The following PLA2G4B variants were observed in gnomAD, a reference collection of about 807,000 sequenced individuals.
PLA2G4B encodes the protein phospholipase A2 group IVB.
In PLA2G4B, 122 loss-of-function variants were observed where a neutral mutation model predicts 95.8. The ratio of observed to expected loss-of-function variants is 1.27; its 90% confidence interval spans 1.10 to 1.48. The LOEUF (loss-of-function observed/expected upper bound fraction) is 1.48. Among genes scored for constraint, PLA2G4B ranks in the 40% most tolerant of loss-of-function variants. The pLI is 0.00. For synonymous variants in PLA2G4B, 518 were observed against 421.5 expected, an observed-to-expected ratio of 1.23 and a Z score of -2.80; for missense variants, 1,158 against 996.2, an observed-to-expected ratio of 1.16 and a Z score of -2.19.
At chr15:41,842,888 T>G (rs2065460747) in intron 10 of PLA2G4B, 1 of 407,154 alleles carries the variant, frequency 2.5e-6, no homozygotes, top group African/African-American at 2.1e-5. Flanking sequence ...TAACATGGTT[T>G]GGGGCGCAGA....
Position 41,844,763 on chromosome 15 carries a change from A to G in PLA2G4B, c.1017-85A>G, listed in dbSNP as rs375567103. 19 of 1,537,594 alleles carry G rather than the reference A, an allele frequency of 1.2e-5. No homozygotes were observed. The African/African-American group carries it at 1.5e-4, about 12-fold the overall frequency. On this transcript the variant is annotated intron_variant, in intron 12 of 19. Transcript: ENST00000458483. ...ACCCTGGGAAGGTCCCTGCCAGGCC[A>G]TTGTCCTAGAAAGCCCGGGGCACGT... is the stretch of plus-strand genomic sequence containing the variant.
chr15:41,842,934 T>G, intron 10 of PLA2G4B: 19 of 282,124 alleles, frequency 6.7e-5, no homozygotes, highest in Middle Eastern at 1.1e-3. Flanking sequence ...AGAGGGGAAA[T>G]TGCGCCCTTT....
chr15:41,847,369 G>C lies in PLA2G4B; in HGVS notation c.1980G>C (p.Glu660Asp). ...AGCTCCTGGGCCGGTTCTGCCAGGAGCAGGGGATCCCGTTCCCACCCATCT... is the reference window on the plus strand; with the variant it reads ...AGCTCCTGGGCCGGTTCTGCCAGGACCAGGGGATCCCGTTCCCACCCATCT... ...QLQLLGRFCQEQGIPFPPISP... is the reference protein window; with the variant it reads ...QLQLLGRFCQDQGIPFPPISP... Residue 660 changes from glutamate (E) to aspartate (D), a missense_variant, in exon 19 of 20, where the codon GAG becomes GAC. Glu to Asp is a conservative substitution (Grantham distance 45). Coordinates refer to ENST00000458483, the MANE Select transcript of PLA2G4B (RefSeq NM_001114633.2). The C allele has an allele frequency of 6.2e-7, 1 of 1,609,794 alleles. No individual in the cohort carries two copies. The highest frequency in any genetic ancestry group is 8.5e-7 in the Non-Finnish European group (1 of 1,178,298).
In PLA2G4B at chr15:41,846,338, T is replaced by G. The variant is rs1046974855; in HGVS notation, c.1736T>G (p.Phe579Cys). ...ATHNFLRGLH[F>C]HKDYFQHPHF... ...CATAATTTCCTGCGTGGCCTCCATT[T>G]CCACAAAGACTACTTTCAGCATCCT... The change falls in exon 17 of 20, where the codon TTC becomes TGC. Residue 579 changes from phenylalanine (F) to cysteine (C), a missense_variant. Coordinates refer to ENST00000458483, the MANE Select transcript of PLA2G4B (RefSeq NM_001114633.2). 3 of 1,610,680 alleles carry G rather than the reference T, an allele frequency of 1.9e-6. No individual in the cohort carries two copies. Among genetic ancestry groups the G allele is most frequent in the African/African-American group, 2.7e-5 (2 of 74,908 alleles).
At chr15:41,842,652 A>AGG in intron 10 of PLA2G4B, 61 bp downstream of exon 10, 2 of 1,592,348 alleles carry the variant, frequency 1.3e-6, no homozygotes, top group South Asian at 2.3e-5. Flanking sequence ...GCGGGGCTGG[A>AGG]GGAGGCCTGG....
rs201749816 is a variant in PLA2G4B at position 41,842,574 on chromosome 15, G to A, written c.726G>A (p.Glu242=). The A allele has an allele frequency of 5.6e-6, 9 of 1,607,372 alleles. No homozygotes were observed. The African/African-American group carries it at 1.2e-4, about 22-fold the overall frequency. ...PTSQEPLMRV[E]LKKEAGLREL... is the part of the protein sequence containing the mutation. ...TTCAGGAGCCCCTGATGAGAGTGGA[G>A]CTGAAAAAAGAAGCAGGGTGAGAGG... The change falls in exon 10 of 20, where the codon GAG becomes GAA. Residue 242 remains glutamate, a synonymous_variant. Transcript: ENST00000458483.
rs922760762 is a variant in PLA2G4B at position 41,841,953 on chromosome 15, G to C, written c.621+4G>C. ...GGAGCTGAGTATTCGCCTGCAGGTA[G>C]TGTGCCTCGCTCCCTCGAGGTGGGG... On this transcript the variant is annotated splice_donor_region_variant and intron_variant, in intron 8 of 19. Coordinates refer to ENST00000458483, the MANE Select transcript of PLA2G4B (RefSeq NM_001114633.2). The C allele has an allele frequency of 1.2e-6, 2 of 1,609,866 alleles. No individual in the cohort carries two copies. Among genetic ancestry groups the C allele is most frequent in the Admixed American group, 1.7e-5 (1 of 59,904 alleles).
chr15:41,844,632 G>A (rs2065498829), intron 12 of PLA2G4B, 25 bp downstream of exon 12: 3 of 1,613,674 alleles, frequency 1.9e-6, no homozygotes, highest in Non-Finnish European at 2.5e-6. Flanking sequence ...GGCTGATGCT[G>A]GACCCTGTGT....
chr15:41,846,035 C>T lies in PLA2G4B; in HGVS notation c.1588C>T (p.Gln530Ter), dbSNP rs552187938. ...GTTCTGGGACCGCTGGGTCAGGAACCAGGCCAACCTGGGTAAGTGCTCCGG... is the reference window on the plus strand; with the variant it reads ...GTTCTGGGACCGCTGGGTCAGGAACTAGGCCAACCTGGGTAAGTGCTCCGG... ...SQFWDRWVRN[Q>*]ANLDKEQVPL... is the part of the protein sequence containing the mutation. Residue 530 changes from glutamine (Q) to a stop codon, truncating the protein, a stop_gained, in exon 16 of 20, where the codon CAG becomes TAG. Coordinates refer to ENST00000458483, the MANE Select transcript of PLA2G4B (RefSeq NM_001114633.2). LOFTEE classifies it high-confidence loss of function. 2 of 1,554,944 alleles carry T rather than the reference C, an allele frequency of 1.3e-6. No homozygotes were observed. The highest frequency in any genetic ancestry group is 1.4e-5 in the African/African-American group (1 of 73,088).
At chr15:41,841,172 G>A in intron 5 of PLA2G4B, 59 bp from the exon 6 acceptor site, 1 of 1,614,090 alleles carries the variant, frequency 6.2e-7, no homozygotes, top group South Asian at 1.1e-5. Flanking sequence ...GGGATGCCCA[G>A]GTCTCTGTGG....
intron 2 of PLA2G4B, 58 bp from the exon 3 acceptor site, chr15:41,840,466 G>A (rs1001213298): frequency 2.6e-5 from 42 of 1,610,840 alleles, no homozygotes; most frequent in African/African-American, 6.7e-5. Context: ...GAAGGAAGTG[G>A]GTCTGGGCGG....
chr15:41,847,307 C>T (rs1182215074), intron 18 of PLA2G4B, 30 bp from the exon 19 acceptor site: 1 of 1,568,300 alleles, frequency 6.4e-7, no homozygotes. Context: ...GGGCCCTGTC[C>T]CTCTGAAGCC....
rs1404204254 is a variant in PLA2G4B at position 41,844,408 on chromosome 15, T to C, written c.880-63T>C. On this transcript the variant is annotated intron_variant, in intron 11 of 19. Transcript: ENST00000458483. ...TGGCCACTTGACCTGCTACCTCTTC[T>C]TCCTGTGACTTGGCCTTCCCCATCC... 4 of 1,610,640 alleles carry C rather than the reference T, an allele frequency of 2.5e-6. No individual in the cohort carries two copies. In the Admixed American group the frequency reaches 6.7e-5, roughly 27 times the overall value.
In PLA2G4B at chr15:41,840,880, G is replaced by A. The variant is rs756250058; in HGVS notation, c.326G>A (p.Arg109His). Residue 109 changes from arginine (R) to histidine (H), a missense_variant, in exon 4 of 20, where the codon CGC becomes CAC. Arg to His is a conservative substitution (Grantham distance 29). Transcript: ENST00000458483. ...AGTLRAGEFR[R>H]ESFSLSPQGE... ...ACTCTGCGGGCTGGGGAGTTCCGGCGCGAGAGCTTCTCACTGAGCCCTCAG... is the reference window on the plus strand; with the variant it reads ...ACTCTGCGGGCTGGGGAGTTCCGGCACGAGAGCTTCTCACTGAGCCCTCAG... 26 of 1,613,580 alleles carry A rather than the reference G, an allele frequency of 1.6e-5. No individual in the cohort carries two copies. Among genetic ancestry groups the A allele is most frequent in the East Asian group, 1.3e-4 (6 of 44,868 alleles).
rs754492646 is a variant in PLA2G4B, at chr15:41,840,513, C to T, written c.83-11C>T. The T allele has an allele frequency of 6.8e-6, 11 of 1,613,442 alleles. No individual in the cohort carries two copies. In the East Asian group the frequency reaches 2.0e-4, roughly 29 times the overall value. Reference sequence around the variant, plus strand: ...TCTTGTCCACCGCTGGGCACTTGTTCCTTCCCGCAGTGACCCCCTCTGACT... The same window carrying T: ...TCTTGTCCACCGCTGGGCACTTGTTTCTTCCCGCAGTGACCCCCTCTGACT... On this transcript the variant is annotated splice_polypyrimidine_tract_variant and intron_variant, in intron 2 of 19. Transcript: ENST00000458483.
At position 41,840,924 on chromosome 15, in the gene PLA2G4B, G is replaced by A. The variant is rs199715476; in HGVS notation, c.351+19G>A. On this transcript the variant is annotated intron_variant, in intron 4 of 19. Coordinates refer to ENST00000458483, the MANE Select transcript of PLA2G4B (RefSeq NM_001114633.2). ...CCCTCAGGCAAGGCGGTGTTTCCACGGCAGCCCTAGCTGGTGTCTGGGTTG... is the reference window on the plus strand; with the variant it reads ...CCCTCAGGCAAGGCGGTGTTTCCACAGCAGCCCTAGCTGGTGTCTGGGTTG... 6.8e-6 allele frequency: 11 copies of A among 1,609,178 alleles called. No individual in the cohort carries two copies. Among genetic ancestry groups the A allele is most frequent in the Middle Eastern group, 1.7e-4 (1 of 6,028 alleles).
At chr15:41,844,056 C>T (rs2065486731) in intron 11 of PLA2G4B, among the ~76,000 whole-genome samples, 2 of 152,218 alleles carry the variant, frequency 1.3e-5, no homozygotes, top group Admixed American at 1.3e-4. Flanking sequence ...GGTTCTCAGC[C>T]TAGCCTGTCT....
At chr15:41,846,406 T>TCCTGTGGCCA in intron 17 of PLA2G4B, 24 bp downstream of exon 17, 15 of 1,589,628 alleles carry the variant, frequency 9.4e-6, no homozygotes, top group Non-Finnish European at 1.2e-5. Context: ...TCCAAAGTCC[T>TCCTGTGGCCA]CCTGTGGCCA....
At chr15:41,840,375 G>A in intron 2 of PLA2G4B, 145 bp downstream of exon 2, 3 of 1,573,668 alleles carry the variant, frequency 1.9e-6, no homozygotes, top group East Asian at 2.2e-5. Flanking sequence ...CTTCTGGGTG[G>A]AAGGTGGCAG....
Sources: gnomAD v4.1 joint callset for allele counts (sites outside exome capture counted in the v4.1 genomes callset) on GRCh38, gnomAD v4.1.1 for gene constraint, MANE v1.5 for transcripts, NCBI Gene and HGNC (gene_info 2026-07-23, HGNC 2026-07-21) for gene names.